The following KIF1B variants were observed in gnomAD, a reference collection of about 807,000 sequenced individuals.
KIF1B encodes the protein kinesin-like protein KIF1B.
KIF1B carries 76 observed loss-of-function variants against 241.9 expected under a neutral mutation model. That is an observed-to-expected ratio of 0.31 (90% confidence interval 0.26 to 0.38). The LOEUF (loss-of-function observed/expected upper bound fraction) is 0.38, where lower values mean the gene tolerates loss of function less well. KIF1B is among the 10% of genes least tolerant of loss of function. The pLI is 1.00. For synonymous variants in KIF1B, 750 were observed against 796.7 expected (o/e 0.94, Z 0.99); for missense variants, 1,622 against 2,271.4 (o/e 0.71, Z 5.81).
chr1:10,215,633 C>T (rs1336326695), intron 1 of KIF1B, among the ~76,000 whole-genome samples: 2 of 152,060 alleles, frequency 1.3e-5, no homozygotes, highest in African/African-American at 4.8e-5. Context: ...GCAGCCTTGA[C>T]CTCCTGGGCT....
intron 3 of KIF1B, among the ~76,000 whole-genome samples, chr1:10,256,865 C>T (rs1190118212): frequency 6.6e-6 from 1 of 152,022 alleles, no homozygotes; most frequent in Non-Finnish European, 1.5e-5. Context: ...GCGCGTGGCA[C>T]TATGCCCAGC....
intron 15 of KIF1B, 147 bp from the exon 16 acceptor site, chr1:10,290,935 T>C (rs1649966092): frequency 1.6e-6 from 1 of 635,628 alleles, no homozygotes; most frequent in Non-Finnish European, 2.8e-6. Context: ...TTATGATTCT[T>C]ATCTTATGTA....
rs556810758 is a variant in KIF1B at position 10,272,464 on chromosome 1, C to T, written c.864+158C>T. On this transcript the variant is annotated intron_variant, in intron 9 of 48. Coordinates refer to ENST00000676179, the MANE Select transcript of KIF1B (RefSeq NM_001365951.3). ...TTTTCAGATAAGATACTAGGTATAA[C>T]ACAGTTTGACTTTGTACTGAAAGTA... The T allele has an allele frequency of 7.7e-5, 53 of 690,498 alleles. No individual in the cohort carries two copies. The South Asian group carries it at 7.7e-4, about 10-fold the overall frequency. The allele number at this position is 690,498 out of a possible 1,614,324, so 42.8% of individuals were successfully genotyped here.
Position 10,378,107 on chromosome 1 carries a change from C to T in KIF1B, c.*1520C>T. 3 of 574,274 alleles carry T rather than the reference C, an allele frequency of 5.2e-6. No individual in the cohort carries two copies. The highest frequency in any genetic ancestry group is 4.3e-5 in the South Asian group (2 of 47,038). The allele number at this position is 574,274 out of a possible 1,614,324, so 35.6% of individuals were successfully genotyped here. A position where few individuals can be genotyped will look rare whatever the true frequency, so the allele number is the denominator to read the frequency against. On this transcript the variant is annotated 3_prime_UTR_variant, in exon 49 of 49. Coordinates refer to ENST00000676179, the MANE Select transcript of KIF1B (RefSeq NM_001365951.3). ...GATGCTTTCAGTGATGCTCTCTATA[C>T]TCATAAATAAGCAAATGTGGCAGGC...
At chr1:10,376,423 G>A (rs1478710394) in intron 48 of KIF1B, 122 bp from the exon 49 acceptor site, 1 of 929,102 alleles carries the variant, frequency 1.1e-6, no homozygotes, top group Non-Finnish European at 1.8e-6. Flanking sequence ...CGGCTTAGAG[G>A]ACTAGGCCTG....
intron 22 of KIF1B, chr1:10,299,078 A>AG (rs1039408194): frequency 4.6e-5 from 7 of 151,720 alleles, no homozygotes; most frequent in Admixed American, 2.0e-4. Flanking sequence ...TTTAAAAAAA[A>AG]AAAAAAAGAA....
At chr1:10,299,264 T>C (rs143455654) in intron 22 of KIF1B, among the ~76,000 whole-genome samples, 1 of 152,200 alleles carries the variant, frequency 6.6e-6, no homozygotes. Context: ...GTATTTAGTT[T>C]CTAGGGAATG....
rs1042934270 is a variant in KIF1B at position 10,381,119 on chromosome 1, C to T, written c.*4532C>T. ...TGTTGTGTGTTGTTCTTCATGTCTT[C>T]GAGTTCATTTTTTTTCATTCTGCCT... On this transcript the variant is annotated 3_prime_UTR_variant, in exon 49 of 49. Coordinates refer to ENST00000676179, the MANE Select transcript of KIF1B (RefSeq NM_001365951.3). 2.7e-5 allele frequency: 6 copies of T among 221,554 alleles called. No homozygotes were observed. Among genetic ancestry groups the T allele is most frequent in the Middle Eastern group, 1.4e-3 (1 of 732 alleles). 13.7% of individuals were successfully genotyped at this position (221,554 alleles called of 1,614,324 possible).
chr1:10,328,751 C>T (rs1651813365), intron 27 of KIF1B, among the ~76,000 whole-genome samples: 1 of 152,224 alleles, frequency 6.6e-6, no homozygotes, highest in South Asian at 2.1e-4. Flanking sequence ...TGAGGAGAAG[C>T]CTGACCTAAT....
intron 2 of KIF1B, among the ~76,000 whole-genome samples, chr1:10,242,369 A>G (rs1218844141): frequency 6.6e-6 from 1 of 152,196 alleles, no homozygotes; most frequent in Non-Finnish European, 1.5e-5. Flanking sequence ...GCTCTGTGGT[A>G]TAGCCTGTTG....
chr1:10,369,996 G>A (rs1383038600), intron 44 of KIF1B, among the ~76,000 whole-genome samples: 5 of 152,032 alleles, frequency 3.3e-5, no homozygotes, highest in African/African-American at 2.4e-5. Flanking sequence ...GCTCATGCCT[G>A]TAATCCCAAC....
At chr1:10,261,781 T>G (rs556425672) in intron 4 of KIF1B, 124 bp from the exon 5 acceptor site, 2 of 728,064 alleles carry the variant, frequency 2.7e-6, no homozygotes, top group South Asian at 1.4e-5. Context: ...TCTTGATGTT[T>G]ATGACATAAT....
In KIF1B at chr1:10,329,899, A is replaced by G. The variant is rs537259045; in HGVS notation, c.2924+3540A>G. On this transcript the variant is annotated intron_variant, in intron 27 of 48. Transcript: ENST00000676179. ...TATGAACCATCCATCATAATTTGGG[A>G]TGAAATGTAAAATATTTAAGCTAGT... Among the ~76,000 whole-genome samples the G allele has an allele frequency of 7.9e-5, 12 of 152,298 alleles. No homozygotes were observed. The East Asian group carries it at 2.3e-3, about 29-fold the overall frequency.
chr1:10,227,062 A>G (rs1646918819), intron 1 of KIF1B, among the ~76,000 whole-genome samples: 2 of 134,966 alleles, frequency 1.5e-5, no homozygotes, highest in South Asian at 2.4e-4. Flanking sequence ...TTTGAGATGA[A>G]GTCTCGCTCT....
rs374159190 is a variant in KIF1B, at chr1:10,297,284, G to A, written c.2115+38G>A. ...AATCTGCTAAACTGTTGGGAAAAGGGCAGCTTGTTCCCATACTTTCCCTGT... is the reference window on the plus strand; with the variant it reads ...AATCTGCTAAACTGTTGGGAAAAGGACAGCTTGTTCCCATACTTTCCCTGT... On this transcript the variant is annotated intron_variant, in intron 22 of 48. Coordinates refer to ENST00000676179, the MANE Select transcript of KIF1B (RefSeq NM_001365951.3). The A allele has an allele frequency of 1.2e-5, 19 of 1,570,156 alleles. No individual in the cohort carries two copies. In the African/African-American group the frequency reaches 1.5e-4, roughly 12 times the overall value.
At chr1:10,298,847 T>C (rs1189044080) in intron 22 of KIF1B, 1 of 152,062 alleles carries the variant, frequency 6.6e-6, no homozygotes, top group Non-Finnish European at 1.5e-5. Context: ...TATGTAATAT[T>C]ACCTCCAGTT....
intron 10 of KIF1B, among the ~76,000 whole-genome samples, chr1:10,274,745 AATT>A (rs1649010277): frequency 2.2e-5 from 3 of 136,472 alleles, no homozygotes; most frequent in Non-Finnish European, 4.9e-5. Flanking sequence ...GATGTTAGGG[AATT>A]ATTGTTTATT....
chr1:10,212,882 GC>G (rs1646711181), intron 1 of KIF1B, among the ~76,000 whole-genome samples: 35 of 88,300 alleles, frequency 4.0e-4, no homozygotes, highest in African/African-American at 1.4e-3. Context: ...GTGTGTGCAT[GC>G]GTGTGTGTAT....
intron 38 of KIF1B, among the ~76,000 whole-genome samples, chr1:10,358,777 T>A (rs1302678590): frequency 6.6e-6 from 1 of 151,952 alleles, no homozygotes; most frequent in African/African-American, 2.4e-5. Flanking sequence ...AGTATTAGAA[T>A]ATGTCTTAAA....
Sources: gnomAD v4.1 joint callset for allele counts (sites outside exome capture counted in the v4.1 genomes callset) on GRCh38, gnomAD v4.1.1 for gene constraint, MANE v1.5 for transcripts, NCBI Gene and HGNC (gene_info 2026-07-23, HGNC 2026-07-21) for gene names.